LRP1B: variants seen among roughly 807,000 people sequenced by gnomAD.
The protein encoded by LRP1B is LDL receptor related protein 1B, also known as low-density lipoprotein receptor-related protein 1B.
A neutral mutation model predicts 556.6 loss-of-function variants in LRP1B; 217 were observed. That is an observed-to-expected ratio of 0.39 (90% CI 0.35 to 0.44). LRP1B has a LOEUF of 0.44. Among genes scored for constraint, LRP1B ranks in the 20% least tolerant of loss-of-function variants. The probability of loss-of-function intolerance (pLI) is 1.00; values close to 1 mark genes in which losing one functional copy is unlikely to be tolerated. For synonymous variants in LRP1B, 2,047 were observed against 1,865.8 expected, an observed-to-expected ratio of 1.10 and a Z score of -2.50; for missense variants, 5,053 against 5,620.8, an observed-to-expected ratio of 0.90 and a Z score of 3.23.
intron 41 of LRP1B, among the ~76,000 whole-genome samples, chr2:140,692,395 G>T (rs1686276818): frequency 6.6e-6 from 1 of 152,084 alleles, no homozygotes. Context: ...ATTGCTAGGT[G>T]AAAGTATATG....
At chr2:141,907,238 T>C (rs1446471091) in intron 1 of LRP1B, among the ~76,000 whole-genome samples, 2 of 151,950 alleles carry the variant, frequency 1.3e-5, no homozygotes, top group Non-Finnish European at 2.9e-5. Context: ...TTCAAAATAA[T>C]TTATTTTAAA....
Position 140,444,466 on chromosome 2 carries a change from G to C in LRP1B, c.10175-17C>G, listed in dbSNP as rs2105304500. 3 of 1,613,502 alleles carry C rather than the reference G, an allele frequency of 1.9e-6. No individual in the cohort carries two copies. Among genetic ancestry groups the C allele is most frequent in the Non-Finnish European group, 2.5e-6 (3 of 1,179,618 alleles). On this transcript the variant is annotated splice_polypyrimidine_tract_variant and intron_variant, in intron 64 of 90. Transcript: ENST00000389484. ...CATGTGTGTCTAGAACATAGAAGGA[G>C]AGAGAGAGAGAAAATTTGTGTCTGA...
At chr2:141,791,828 T>C (rs907321397) in intron 2 of LRP1B, among the ~76,000 whole-genome samples, 1 of 152,014 alleles carries the variant, frequency 6.6e-6, no homozygotes, top group Non-Finnish European at 1.5e-5. Flanking sequence ...TAATTAATTA[T>C]GTTATGTTCC....
intron 6 of LRP1B, among the ~76,000 whole-genome samples, chr2:141,212,563 C>T (rs6757044): frequency 0.38 from 57,897 of 151,066 alleles, 11,576 homozygotes; most frequent in East Asian, 0.71. Context: ...GGATTACACA[C>T]GTGAGCGACC....
intron 1 of LRP1B, among the ~76,000 whole-genome samples, chr2:141,891,056 C>T (rs568854921): frequency 1.2e-4 from 18 of 152,156 alleles, no homozygotes; most frequent in African/African-American, 4.3e-4. Flanking sequence ...GCAAAGATTA[C>T]CTCTCTTGAG....
intron 7 of LRP1B, among the ~76,000 whole-genome samples, chr2:141,160,820 T>C (rs1185677958): frequency 6.8e-6 from 1 of 147,818 alleles, no homozygotes; most frequent in Non-Finnish European, 1.5e-5. Flanking sequence ...GTTCAATATC[T>C]TTATTTTGGT....
Position 141,254,768 on chromosome 2 carries a change from G to GA in LRP1B, c.344-128dup, listed in dbSNP as rs201437940. The GA allele has an allele frequency of 1.8e-4, 115 of 626,676 alleles. No homozygotes were observed. The African/African-American group carries it at 2.1e-3, about 12-fold the overall frequency. The allele number at this position is 626,676 out of a possible 1,614,324, so 38.8% of individuals were successfully genotyped here. On this transcript the variant is annotated intron_variant, in intron 3 of 90. Coordinates refer to ENST00000389484, the MANE Select transcript of LRP1B (RefSeq NM_018557.3). ...CCAGAAAGTTTATATGATTGGTCTAGAAAAAAATATTTACCTAAAATATGT... is the reference window on the plus strand; with the variant it reads ...CCAGAAAGTTTATATGATTGGTCTAGAAAAAAAATATTTACCTAAAATATGT...
At chr2:141,405,859 G>C (rs1030193991) in intron 3 of LRP1B, among the ~76,000 whole-genome samples, 2 of 152,036 alleles carry the variant, frequency 1.3e-5, no homozygotes, top group Admixed American at 1.3e-4. Context: ...ACATAACTGT[G>C]TCAAAAGTAT....
intron 2 of LRP1B, among the ~76,000 whole-genome samples, chr2:141,669,270 T>TGAAGACAAAGC (rs1425898687): frequency 1.3e-5 from 2 of 152,130 alleles, no homozygotes; most frequent in Non-Finnish European, 2.9e-5. Context: ...GAACACCATG[T>TGAAGACAAAGC]GAAGACAAAG....
chr2:140,699,908 T>C (rs1231617884), intron 41 of LRP1B, among the ~76,000 whole-genome samples: 1 of 137,110 alleles, frequency 7.3e-6, no homozygotes, highest in African/African-American at 3.0e-5. Flanking sequence ...ATATACAATT[T>C]GCCCACTGGA....
At chr2:141,972,870 A>G (rs577832079) in intron 1 of LRP1B, among the ~76,000 whole-genome samples, 1 of 151,732 alleles carries the variant, frequency 6.6e-6, no homozygotes, top group South Asian at 2.1e-4. Flanking sequence ...TAATTTTAAC[A>G]AGTTGTATTT....
At chr2:140,737,955 G>A (rs961140257) in intron 35 of LRP1B, among the ~76,000 whole-genome samples, 1 of 152,136 alleles carries the variant, frequency 6.6e-6, no homozygotes, top group African/African-American at 2.4e-5. Context: ...TCTGATCCAT[G>A]CACTTTTTCC....
intron 37 of LRP1B, among the ~76,000 whole-genome samples, chr2:140,706,072 A>G (rs1336772887): frequency 2.0e-5 from 3 of 152,168 alleles, no homozygotes; most frequent in Non-Finnish European, 4.4e-5. Flanking sequence ...TTAAGGTAAT[A>G]ACTTACATAG....
At chr2:140,623,786 G>A (rs1045990197) in intron 41 of LRP1B, among the ~76,000 whole-genome samples, 1 of 151,728 alleles carries the variant, frequency 6.6e-6, no homozygotes, top group South Asian at 2.1e-4. Flanking sequence ...GGGTGCAGTG[G>A]TATGTGCCTG....
At chr2:141,644,572 T>C (rs1341151188) in intron 2 of LRP1B, among the ~76,000 whole-genome samples, 1 of 152,116 alleles carries the variant, frequency 6.6e-6, no homozygotes, top group Non-Finnish European at 1.5e-5. Context: ...ATTAGATAAA[T>C]TGTGACATAC....
At chr2:141,931,191 A>G (rs570615959) in intron 1 of LRP1B, among the ~76,000 whole-genome samples, 1 of 152,156 alleles carries the variant, frequency 6.6e-6, no homozygotes, top group South Asian at 2.1e-4. Context: ...ATCAAGTAAA[A>G]TAATTATTAT....
intron 1 of LRP1B, among the ~76,000 whole-genome samples, chr2:141,889,319 G>T (rs898026639): frequency 6.6e-6 from 1 of 152,112 alleles, no homozygotes; most frequent in African/African-American, 2.4e-5. Context: ...TAAGAATGCT[G>T]TTTCTAAACT....
chr2:140,895,875 T>C (rs1693939399), intron 23 of LRP1B, among the ~76,000 whole-genome samples: 1 of 152,178 alleles, frequency 6.6e-6, no homozygotes, highest in Non-Finnish European at 1.5e-5. Flanking sequence ...AAGCTGTTTT[T>C]TTCTCTTCTT....
chr2:140,289,644 T>C (rs13028524), intron 84 of LRP1B, among the ~76,000 whole-genome samples: 54,619 of 151,374 alleles, frequency 0.36, 11,341 homozygotes, highest in Non-Finnish European at 0.48. Flanking sequence ...AACAAAAATC[T>C]GTTTGAAAAG....
Sources: gnomAD v4.1 joint callset for allele counts (sites outside exome capture counted in the v4.1 genomes callset) on GRCh38, gnomAD v4.1.1 for gene constraint, MANE v1.5 for transcripts, NCBI Gene and HGNC (gene_info 2026-07-23, HGNC 2026-07-21) for gene names.